Variants in GNG12 observed in about 807,000 individuals in gnomAD.
The protein encoded by GNG12 is guanine nucleotide-binding protein G(I)/G(S)/G(O) subunit gamma-12.
For synonymous variants in GNG12, 28 were observed against 29.7 expected (o/e 0.94, Z 0.19); for missense variants, 69 against 83.8 (o/e 0.82, Z 0.69).
chr1:67,799,950 T>C (rs905637472), intron 1 of GNG12, among the ~76,000 whole-genome samples: 18 of 152,200 alleles, frequency 1.2e-4, no homozygotes, highest in Non-Finnish European at 1.9e-4. Flanking sequence ...TTTTAGTGTA[T>C]GAAGAGTCTG....
intron 1 of GNG12, among the ~76,000 whole-genome samples, chr1:67,789,873 C>T (rs1646791721): frequency 6.6e-6 from 1 of 152,182 alleles, no homozygotes; most frequent in African/African-American, 2.4e-5. Flanking sequence ...CCTGCACATT[C>T]ACAGATGTGT....
At chr1:67,748,650 C>T (rs1162154889) in intron 2 of GNG12, among the ~76,000 whole-genome samples, 2 of 152,138 alleles carry the variant, frequency 1.3e-5, no homozygotes, top group South Asian at 2.1e-4. Flanking sequence ...GTGGTGATTT[C>T]ATCTAGTCCC....
intron 1 of GNG12, among the ~76,000 whole-genome samples, chr1:67,815,041 G>C (rs957409205): frequency 4.6e-5 from 7 of 152,122 alleles, no homozygotes; most frequent in African/African-American, 1.7e-4. Context: ...ATTCCCAAAG[G>C]ACTCCTTTCA....
At chr1:67,800,262 G>A (rs1330246936) in intron 1 of GNG12, among the ~76,000 whole-genome samples, 4 of 152,084 alleles carry the variant, frequency 2.6e-5, no homozygotes, top group Non-Finnish European at 5.9e-5. Context: ...ACTCATTAAC[G>A]TCATCCCTGA....
At chr1:67,770,027 A>C (rs1375396738) in intron 2 of GNG12, among the ~76,000 whole-genome samples, 1 of 152,170 alleles carries the variant, frequency 6.6e-6, no homozygotes. Flanking sequence ...CCACTTTTAG[A>C]GTGTTAAAAG....
intron 1 of GNG12, among the ~76,000 whole-genome samples, chr1:67,818,324 G>A (rs910764115): frequency 6.7e-6 from 1 of 149,162 alleles, no homozygotes; most frequent in African/African-American, 2.4e-5. Flanking sequence ...TACACAGTGA[G>A]TTTGGACAAC....
At chr1:67,752,308 G>A (rs76209540) in intron 2 of GNG12, among the ~76,000 whole-genome samples, 1,865 of 152,318 alleles carry the variant, frequency 0.012, 32 homozygotes, top group African/African-American at 0.043. Context: ...CTGGAGAGAA[G>A]AGGGCAGCTG....
At chr1:67,821,571 G>A (rs562349669) in intron 1 of GNG12, among the ~76,000 whole-genome samples, 1 of 152,292 alleles carries the variant, frequency 6.6e-6, no homozygotes, top group East Asian at 1.9e-4. Context: ...CTCCCAATAA[G>A]AGGCCAACAC....
chr1:67,751,747 C>T (rs1176852441), intron 2 of GNG12, among the ~76,000 whole-genome samples: 1 of 152,212 alleles, frequency 6.6e-6, no homozygotes, highest in Non-Finnish European at 1.5e-5. Flanking sequence ...TCTCTTGTGT[C>T]TCTATGGCTG....
rs147927486 is a variant in GNG12 at position 67,791,336 on chromosome 1, C to G, written c.-76-13829G>C. On this transcript the variant is annotated intron_variant, in intron 1 of 3. Coordinates refer to ENST00000370982, the MANE Select transcript of GNG12 (RefSeq NM_018841.6). Reference sequence around the variant, plus strand: ...CTCCTTTGCTGAATTCTCTCCTCTTCCTCAAATCTGATGACTCTCAAATCT... The same window carrying G: ...CTCCTTTGCTGAATTCTCTCCTCTTGCTCAAATCTGATGACTCTCAAATCT... Among the ~76,000 whole-genome samples the G allele has an allele frequency of 1.9e-3, 291 of 152,224 alleles. 2 individuals carry two copies. The highest frequency in any genetic ancestry group is 6.6e-3 in the African/African-American group (275 of 41,546).
At chr1:67,801,980 G>A (rs1646868628) in intron 1 of GNG12, among the ~76,000 whole-genome samples, 1 of 151,924 alleles carries the variant, frequency 6.6e-6, no homozygotes, top group Non-Finnish European at 1.5e-5. Context: ...AAAGGAGGGA[G>A]GTACAGGGGA....
intron 1 of GNG12, among the ~76,000 whole-genome samples, chr1:67,809,217 T>C (rs1350210303): frequency 2.0e-5 from 3 of 152,070 alleles, no homozygotes; most frequent in Non-Finnish European, 2.9e-5. Context: ...GAACTGGACA[T>C]CCACATTCCC....
At chr1:67,775,495 G>A (rs1389692538) in intron 2 of GNG12, among the ~76,000 whole-genome samples, 1 of 152,248 alleles carries the variant, frequency 6.6e-6, no homozygotes, top group Non-Finnish European at 1.5e-5. Flanking sequence ...CAGTGGAAGG[G>A]ACTGTATGAG....
chr1:67,829,115 TG>T (rs1168311568), intron 1 of GNG12, among the ~76,000 whole-genome samples: 1 of 152,144 alleles, frequency 6.6e-6, no homozygotes, highest in Non-Finnish European at 1.5e-5. Flanking sequence ...AAAAGCAGGT[TG>T]GGGGTGGGAG....
chr1:67,828,704 G>A (rs1647025596), intron 1 of GNG12, among the ~76,000 whole-genome samples: 1 of 152,180 alleles, frequency 6.6e-6, no homozygotes, highest in South Asian at 2.1e-4. Flanking sequence ...AGCTCATCAA[G>A]GCAGGCCTGG....
At chr1:67,791,844 C>A (rs2100784273) in intron 1 of GNG12, among the ~76,000 whole-genome samples, 1 of 152,256 alleles carries the variant, frequency 6.6e-6, no homozygotes, top group Middle Eastern at 3.4e-3. Flanking sequence ...AGATTCTCAG[C>A]ATACTTAACA....
chr1:67,741,909 C>T (rs1318346579), intron 2 of GNG12, among the ~76,000 whole-genome samples: 1 of 152,214 alleles, frequency 6.6e-6, no homozygotes, highest in African/African-American at 2.4e-5. Flanking sequence ...TCAGTTGGAG[C>T]TGAGTAGCAG....
intron 3 of GNG12, among the ~76,000 whole-genome samples, chr1:67,707,235 C>G (rs1033971668): frequency 1.3e-5 from 2 of 152,222 alleles, no homozygotes; most frequent in African/African-American, 4.8e-5. Context: ...ACTGATAATT[C>G]TAGAACACTT....
chr1:67,792,302 A>AT (rs201112938), intron 1 of GNG12, among the ~76,000 whole-genome samples: 12,995 of 152,226 alleles, frequency 0.085, 692 homozygotes, highest in Non-Finnish European at 0.099. Flanking sequence ...AAAAATACAC[A>AT]TTTTTTGGTT....
Sources: allele counts gnomAD v4.1 joint callset (sites outside exome capture counted in the v4.1 genomes callset), GRCh38; gene constraint gnomAD v4.1.1; transcripts MANE v1.5; gene names NCBI Gene and HGNC (gene_info 2026-07-23, HGNC 2026-07-21).